CDH13: variants seen among roughly 807,000 people sequenced by gnomAD.
CDH13 encodes cadherin-13.
A neutral mutation model predicts 63.8 loss-of-function variants in CDH13; 24 were observed. The observed-to-expected ratio is 0.38, with a 90% CI of 0.27 to 0.53. The LOEUF is 0.53. Ranked by LOEUF, CDH13 falls within the 20% of genes least tolerant of loss-of-function variation. The probability of loss-of-function intolerance (pLI) is 0.85; values close to 1 mark genes in which losing one functional copy is unlikely to be tolerated. For missense variants in CDH13, 1,049 were observed against 903.1 expected, an observed-to-expected ratio of 1.16 and a Z score of -2.07; for synonymous variants, 503 against 355.3, an observed-to-expected ratio of 1.42 and a Z score of -4.67.
Position 83,546,256 on chromosome 16 carries a change from C to A in CDH13, c.961-56198C>A, listed in dbSNP as rs141678475. Among the ~76,000 whole-genome samples, 9 of 152,224 alleles carry A rather than the reference C, an allele frequency of 5.9e-5. 1 individual carries two copies. Among genetic ancestry groups the A allele is most frequent in the African/African-American group, 2.2e-4 (9 of 41,538 alleles). On this transcript the variant is annotated intron_variant, in intron 7 of 13. Coordinates refer to ENST00000567109, the MANE Select transcript of CDH13 (RefSeq NM_001257.5). ...CTTCCCTTCTCAGAGGCTCTGAACT[C>A]CTGGAGGGTGGCACTCTTGGCATCC...
chr16:83,789,312 A>C (rs1916095572), intron 13 of CDH13, among the ~76,000 whole-genome samples: 1 of 151,984 alleles, frequency 6.6e-6, no homozygotes, highest in African/African-American at 2.4e-5. Flanking sequence ...GGGTGATTTC[A>C]AAAAACACTG....
intron 1 of CDH13, among the ~76,000 whole-genome samples, chr16:82,787,129 T>C (rs972693055): frequency 6.6e-6 from 1 of 152,330 alleles, no homozygotes; most frequent in African/African-American, 2.4e-5. Context: ...GGTCTTATTA[T>C]GTAAGACTGT....
At chr16:83,750,537 A>C (rs1299687218) in intron 11 of CDH13, among the ~76,000 whole-genome samples, 1 of 152,100 alleles carries the variant, frequency 6.6e-6, no homozygotes, top group Non-Finnish European at 1.5e-5. Flanking sequence ...CTTGTTGCGG[A>C]TGTGGTTAGT....
At chr16:83,078,737 A>G (rs772553875) in intron 3 of CDH13, among the ~76,000 whole-genome samples, 53 of 152,184 alleles carry the variant, frequency 3.5e-4, no homozygotes, top group Non-Finnish European at 6.5e-4. Context: ...AAATTTACCC[A>G]GTGTCAAATT....
At chr16:83,566,958 C>T (rs1011702778) in intron 7 of CDH13, among the ~76,000 whole-genome samples, 2 of 152,216 alleles carry the variant, frequency 1.3e-5, no homozygotes, top group Admixed American at 6.5e-5. Context: ...TCTTTCTCTA[C>T]TTCCTCACGT....
chr16:83,409,623 G>A (rs1019132678), intron 6 of CDH13, among the ~76,000 whole-genome samples: 1 of 152,186 alleles, frequency 6.6e-6, no homozygotes, highest in Admixed American at 6.5e-5. Context: ...GCTTTATAGT[G>A]ACTGAATTAC....
chr16:83,258,332 T>G (rs1241418788), intron 5 of CDH13, among the ~76,000 whole-genome samples: 1 of 152,234 alleles, frequency 6.6e-6, no homozygotes. Flanking sequence ...AATGGCCTGC[T>G]TTAACAGTCC....
chr16:83,093,047 T>C (rs1254675342), intron 3 of CDH13, among the ~76,000 whole-genome samples: 2 of 152,162 alleles, frequency 1.3e-5, no homozygotes, highest in Non-Finnish European at 2.9e-5. Flanking sequence ...ATTTTTCTCT[T>C]CTTCATTATT....
At chr16:83,677,520 AG>A (rs914086801) in intron 9 of CDH13, among the ~76,000 whole-genome samples, 1 of 149,862 alleles carries the variant, frequency 6.7e-6, no homozygotes, top group Non-Finnish European at 1.5e-5. Context: ...CAGTTGGGCC[AG>A]GGCCCAGCGG....
chr16:83,451,894 A>G (rs1421859907), intron 6 of CDH13, among the ~76,000 whole-genome samples: 2 of 152,318 alleles, frequency 1.3e-5, no homozygotes, highest in East Asian at 3.9e-4. Context: ...TTCGAGGTTA[A>G]TTTAAAATGG....
intron 7 of CDH13, among the ~76,000 whole-genome samples, chr16:83,543,861 C>G (rs2075336766): frequency 6.6e-6 from 1 of 152,204 alleles, no homozygotes; most frequent in Non-Finnish European, 1.5e-5. Context: ...AAACCCTGAC[C>G]TAAGCAAAGA....
intron 2 of CDH13, among the ~76,000 whole-genome samples, chr16:82,933,730 T>A (rs975175980): frequency 2.6e-5 from 4 of 152,132 alleles, no homozygotes; most frequent in Non-Finnish European, 5.9e-5. Flanking sequence ...GTAAATATGC[T>A]CATTCCAAAT....
intron 8 of CDH13, among the ~76,000 whole-genome samples, chr16:83,658,907 C>T (rs1386333116): frequency 7.0e-6 from 1 of 142,080 alleles, no homozygotes; most frequent in Non-Finnish European, 1.5e-5. Context: ...TCCTCACCAG[C>T]AAGGTCCCAT....
intron 5 of CDH13, among the ~76,000 whole-genome samples, chr16:83,240,600 C>T (rs1431745838): frequency 7.0e-6 from 1 of 143,792 alleles, no homozygotes; most frequent in Admixed American, 7.1e-5. Flanking sequence ...GGATTAGGTG[C>T]AGTATGTGAT....
Position 83,799,518 on chromosome 16 carries a change from T to A in CDH13, c.*4488T>A, listed in dbSNP as rs778200709. 7.9e-5 allele frequency: 12 copies of A among 152,094 alleles called. No individual in the cohort carries two copies. Among genetic ancestry groups the A allele is most frequent in the African/African-American group, 1.4e-4 (6 of 41,418 alleles). The allele number at this position is 152,094 out of a possible 1,614,324, so 9.4% of individuals were successfully genotyped here. Reference sequence around the variant, plus strand: ...TGTAAAGGTAGCCCATAAATCTGTTTACGTGTAGCTGCCTTAAACATGAGT... The same window carrying A: ...TGTAAAGGTAGCCCATAAATCTGTTAACGTGTAGCTGCCTTAAACATGAGT... On this transcript the variant is annotated 3_prime_UTR_variant, in exon 14 of 14. Coordinates refer to ENST00000567109, the MANE Select transcript of CDH13 (RefSeq NM_001257.5).
intron 2 of CDH13, among the ~76,000 whole-genome samples, chr16:82,944,011 G>T (rs12447446): frequency 0.063 from 9,563 of 152,218 alleles, 454 homozygotes; most frequent in East Asian, 0.17. Context: ...CACTCAGATA[G>T]CCCTTTATCA....
intron 6 of CDH13, among the ~76,000 whole-genome samples, chr16:83,450,065 C>T (rs756787346): frequency 1.4e-4 from 22 of 152,210 alleles, no homozygotes; most frequent in Non-Finnish European, 2.1e-4. Context: ...TCAATGCCGA[C>T]ATCCCAACTC....
At chr16:82,778,219 T>G (rs2035587265) in intron 1 of CDH13, among the ~76,000 whole-genome samples, 1 of 152,184 alleles carries the variant, frequency 6.6e-6, no homozygotes, top group African/African-American at 2.4e-5. Context: ...AAATCTCTTT[T>G]GTCTTGAATA....
At chr16:83,550,911 C>A (rs943894225) in intron 7 of CDH13, among the ~76,000 whole-genome samples, 1 of 152,104 alleles carries the variant, frequency 6.6e-6, no homozygotes, top group Admixed American at 6.6e-5. Flanking sequence ...TCTTCCCCAC[C>A]AAGCTCTGCA....
Sources: gnomAD v4.1 joint callset for allele counts (sites outside exome capture counted in the v4.1 genomes callset) on GRCh38, gnomAD v4.1.1 for gene constraint, MANE v1.5 for transcripts, NCBI Gene and HGNC (gene_info 2026-07-23, HGNC 2026-07-21) for gene names.